POLA1: variants seen among roughly 807,000 people sequenced by gnomAD.
POLA1 encodes DNA polymerase alpha catalytic subunit.
POLA1 carries 15 observed loss-of-function variants against 124.0 expected under a neutral mutation model. That is an observed-to-expected ratio of 0.12 (90% CI 0.08 to 0.19). POLA1 has a LOEUF of 0.19. Among genes scored for constraint, POLA1 ranks in the 10% least tolerant of loss-of-function variants. POLA1 has a pLI of 1.00. For missense variants in POLA1, 886 were observed against 1,103.4 expected (o/e 0.80, Z 2.79); for synonymous variants, 408 against 389.4 (o/e 1.05, Z -0.56).
In POLA1 at chrX:24,925,660, A is replaced by G. The variant is rs553418736; in HGVS notation, c.4165-4793A>G. Among the ~76,000 whole-genome samples the G allele has an allele frequency of 5.2e-4, 58 of 112,566 alleles. No individual in the cohort carries two copies. In the South Asian group the frequency reaches 0.022, roughly 42 times the overall value. On this transcript the variant is annotated intron_variant, in intron 35 of 36. Coordinates refer to ENST00000379068, the MANE Select transcript of POLA1 (RefSeq NM_001330360.2). The stretch of plus-strand genomic sequence containing the variant: ...TATGACTCAGCATTTCCCCTCCTCC[A>G]AACTGTAATCAACAGAAAATGATAC...
intron 30 of POLA1, among the ~76,000 whole-genome samples, chrX:24,820,624 T>A (rs887222533): frequency 9.0e-6 from 1 of 111,478 alleles, no homozygotes. Flanking sequence ...ATTTCTTCTC[T>A]CAGGTGGAAA....
intron 34 of POLA1, among the ~76,000 whole-genome samples, chrX:24,851,322 G>T (rs1047797826): frequency 1.5e-4 from 17 of 112,412 alleles, no homozygotes. Context: ...GACTCTCCCA[G>T]GTCACACATA....
intron 36 of POLA1, among the ~76,000 whole-genome samples, chrX:24,967,504 T>C (rs1193549628): frequency 3.7e-5 from 4 of 109,286 alleles, no homozygotes; most frequent in Non-Finnish European, 5.7e-5. Context: ...ACCCATTTTA[T>C]ACAAAATTTA....
At chrX:24,917,042 G>A (rs776020451) in intron 35 of POLA1, among the ~76,000 whole-genome samples, 2 of 112,075 alleles carry the variant, frequency 1.8e-5, no homozygotes, top group South Asian at 3.8e-4. Flanking sequence ...GGTGGCTCAC[G>A]CCTATAATCC....
intron 35 of POLA1, among the ~76,000 whole-genome samples, chrX:24,902,379 T>A (rs2047294650): frequency 1.8e-5 from 2 of 111,747 alleles, no homozygotes; most frequent in African/African-American, 6.5e-5. Context: ...CTACATAATC[T>A]ATTTAGAAGA....
intron 35 of POLA1, among the ~76,000 whole-genome samples, chrX:24,908,077 A>G (rs1321895081): frequency 9.0e-6 from 1 of 111,090 alleles, no homozygotes; most frequent in African/African-American, 3.3e-5. Context: ...AAAATTTGCA[A>G]TGTTCAAATA....
At chrX:24,831,005 A>T (rs908946394) in intron 32 of POLA1, among the ~76,000 whole-genome samples, 1 of 112,032 alleles carries the variant, frequency 8.9e-6, no homozygotes, top group Non-Finnish European at 1.9e-5. Flanking sequence ...ATGAGAATTT[A>T]GAATTTAATC....
chrX:24,953,588 A>G (rs371618549), intron 36 of POLA1, among the ~76,000 whole-genome samples: 61 of 111,866 alleles, frequency 5.5e-4, no homozygotes, highest in African/African-American at 1.7e-3. Flanking sequence ...GCATCTTAGG[A>G]CAGTTAGGAG....
intron 34 of POLA1, among the ~76,000 whole-genome samples, chrX:24,867,703 C>T (rs2046812734): frequency 9.0e-6 from 1 of 111,273 alleles, no homozygotes. Context: ...TTTTTCAGCC[C>T]TCTTAGATTC....
chrX:24,911,060 A>G (rs2047442122), intron 35 of POLA1, among the ~76,000 whole-genome samples: 1 of 112,422 alleles, frequency 8.9e-6, no homozygotes, highest in South Asian at 3.7e-4. Flanking sequence ...AATTTTAGAA[A>G]TCAATAAAAG....
intron 4 of POLA1, among the ~76,000 whole-genome samples, chrX:24,705,552 T>A (rs1928742440): frequency 8.9e-6 from 1 of 111,833 alleles, no homozygotes; most frequent in Admixed American, 9.5e-5. Flanking sequence ...ACAATAACAT[T>A]ATCATGATAT....
At chrX:24,695,324 C>T (rs781766429) in intron 1 of POLA1, among the ~76,000 whole-genome samples, 1 of 110,424 alleles carries the variant, frequency 9.1e-6, no homozygotes, top group East Asian at 2.8e-4. Context: ...TGCTAAGTTA[C>T]CTACGTGAAG....
chrX:24,969,534 A>C (rs1479168585), intron 36 of POLA1, among the ~76,000 whole-genome samples: 3 of 110,636 alleles, frequency 2.7e-5, no homozygotes, highest in African/African-American at 9.9e-5. Flanking sequence ...TTTTGCTGAA[A>C]TCTCTGATAT....
chrX:24,851,583 A>G (rs1601803780), intron 34 of POLA1, among the ~76,000 whole-genome samples: 1 of 113,359 alleles, frequency 8.8e-6, no homozygotes, highest in East Asian at 2.8e-4. Flanking sequence ...ATTGAAAGGA[A>G]GCACGTGTTG....
chrX:24,930,909 T>TA (rs1362438512), intron 36 of POLA1, among the ~76,000 whole-genome samples: 3 of 112,290 alleles, frequency 2.7e-5, no homozygotes. Context: ...AACCAGATAT[T>TA]ACTGCAAAAA....
intron 36 of POLA1, among the ~76,000 whole-genome samples, chrX:24,972,673 C>G (rs775870401): frequency 5.2e-4 from 58 of 112,064 alleles, no homozygotes; most frequent in African/African-American, 1.8e-3. Flanking sequence ...GACCAAGAGT[C>G]TGGGAGAGGT....
intron 26 of POLA1, among the ~76,000 whole-genome samples, chrX:24,783,431 T>A (rs1043306664): frequency 8.9e-6 from 1 of 112,082 alleles, no homozygotes; most frequent in African/African-American, 3.2e-5. Flanking sequence ...AATGTGTAGG[T>A]ATGCTGGTAA....
chrX:24,965,975 T>C (rs750471610), intron 36 of POLA1, among the ~76,000 whole-genome samples: 5 of 112,075 alleles, frequency 4.5e-5, no homozygotes, highest in Non-Finnish European at 9.4e-5. Context: ...AATTCAAATG[T>C]GGAAAGCTTC....
chrX:24,714,568 G>C lies in POLA1; in HGVS notation c.361G>C (p.Ala121Pro). The change falls in exon 5 of 37, where the codon GCA becomes CCA. Residue 121 changes from alanine (A) to proline (P), a missense_variant. Physicochemically the swap from Ala to Pro is conservative, Grantham distance 27. Transcript: ENST00000379068. ...TATTCCAATAGGAAAAGATGGTAAA[G>C]CACGCAATAAAGACAAGAGGAATGT... ...DADEKGKDGK[A>P]RNKDKRNVKK... 1 of 1,179,317 alleles carries C rather than the reference G, an allele frequency of 8.5e-7. No homozygotes were observed. The highest frequency in any genetic ancestry group is 1.1e-6 in the Non-Finnish European group (1 of 870,993).
Sources: gnomAD v4.1 joint callset for allele counts (sites outside exome capture counted in the v4.1 genomes callset) on GRCh38, gnomAD v4.1.1 for gene constraint, MANE v1.5 for transcripts, NCBI Gene and HGNC (gene_info 2026-07-23, HGNC 2026-07-21) for gene names.